TCF7: variants seen among roughly 807,000 people sequenced by gnomAD.
TCF7 encodes the protein T-cell-factor-7.
In TCF7, 19 loss-of-function variants were observed where a neutral mutation model predicts 46.8. The ratio of observed to expected loss-of-function variants is 0.41; its 90% confidence interval spans 0.28 to 0.60. The LOEUF (loss-of-function observed/expected upper bound fraction) is 0.60. Ranked by LOEUF, TCF7 falls within the 20% of genes least tolerant of loss-of-function variation. TCF7 has a pLI of 0.35. For missense variants in TCF7, 547 were observed against 504.6 expected (o/e 1.08, Z -0.81); for synonymous variants, 245 against 213.4 (o/e 1.15, Z -1.29).
At chr5:134,145,517 CTCAG>C (rs1325492825) in intron 9 of TCF7, 28 of 593,244 alleles carry the variant, frequency 4.7e-5, no homozygotes, top group Non-Finnish European at 6.9e-5. Context: ...TTAAAGTTTC[CTCAG>C]TCAGTTTCAG....
intron 5 of TCF7, 80 bp from the exon 6 acceptor site, chr5:134,142,105 A>G: frequency 6.3e-7 from 1 of 1,590,934 alleles, no homozygotes; most frequent in Non-Finnish European, 8.6e-7. Context: ...CAAGTTATGT[A>G]TTATGCAGGG....
At position 134,143,640 on chromosome 5, in the gene TCF7, G is replaced by A; in HGVS notation, c.1075G>A (p.Gly359Arg). The A allele has an allele frequency of 6.2e-7, 1 of 1,613,984 alleles. No homozygotes were observed. Residue 359 changes from glycine (G) to arginine (R), a missense_variant and splice_region_variant, in exon 9 of 10, where the codon GGA becomes AGA. This residue lies in a region of TCF7 where 90 missense variants were observed against 88.8 expected (regional missense o/e 1.01). Transcript: ENST00000342854. ...SREKHQESTT[G>R]GKRNAFGTYP... is the part of the protein sequence containing the mutation. ...GGAAAAGCACCAAGAATCCACCACA[G>A]GTGAGACCTTCTCTCAGCAGCAGTG...
intron 9 of TCF7, chr5:134,144,848 C>A: frequency 6.2e-7 from 1 of 1,614,176 alleles, no homozygotes; most frequent in Non-Finnish European, 8.5e-7. Flanking sequence ...AACCAGCAGA[C>A]GGATTGGTGT....
At chr5:134,121,081 C>T (rs1047405853) in intron 3 of TCF7, among the ~76,000 whole-genome samples, 2 of 152,084 alleles carry the variant, frequency 1.3e-5, no homozygotes, top group East Asian at 1.9e-4. Flanking sequence ...GTGTACAGGC[C>T]GCCTACTTAC....
intron 3 of TCF7, among the ~76,000 whole-genome samples, chr5:134,127,535 G>A (rs533866839): frequency 3.9e-5 from 6 of 152,176 alleles, no homozygotes; most frequent in South Asian, 2.1e-4. Context: ...GTGTGATCCC[G>A]GGCTGGGCTA....
chr5:134,139,077 G>A (rs756203006), intron 5 of TCF7, 39 bp downstream of exon 5: 2 of 1,609,650 alleles, frequency 1.2e-6, no homozygotes, highest in South Asian at 1.1e-5. Flanking sequence ...ACCGTGTGCT[G>A]GTCAGACCAA....
At chr5:134,128,060 T>C (rs1757579388) in intron 3 of TCF7, among the ~76,000 whole-genome samples, 1 of 152,116 alleles carries the variant, frequency 6.6e-6, no homozygotes, top group Non-Finnish European at 1.5e-5. Flanking sequence ...GGAGGAGGGA[T>C]TTGAGCCCAG....
At chr5:134,134,530 GGT>G (rs1463349378) in intron 3 of TCF7, among the ~76,000 whole-genome samples, 2 of 152,152 alleles carry the variant, frequency 1.3e-5, no homozygotes, top group African/African-American at 4.8e-5. Context: ...CTGGCTGGCT[GGT>G]GTTATTCTAG....
At chr5:134,123,766 G>A (rs1337328153) in intron 3 of TCF7, 6 of 456,240 alleles carry the variant, frequency 1.3e-5, no homozygotes, top group Non-Finnish European at 2.6e-5. Context: ...GGTAGGGCAA[G>A]GCGGTACCCA....
At chr5:134,120,072 C>T (rs1756362145) in intron 3 of TCF7, among the ~76,000 whole-genome samples, 1 of 152,158 alleles carries the variant, frequency 6.6e-6, no homozygotes, top group African/African-American at 2.4e-5. Context: ...CGGGCAGAGC[C>T]GGCCCCAGCC....
In TCF7 at chr5:134,146,252, C is replaced by G; in HGVS notation, c.1104C>G (p.Tyr368Ter). The change falls in exon 10 of 10, where the codon TAC (tyrosine) becomes TAG (stop). Residue 368 changes from tyrosine (Y) to a stop codon, truncating the protein, a stop_gained. Transcript: ENST00000342854. LOFTEE classifies it high-confidence loss of function. Reference protein sequence around the residue: ...TGGKRNAFGTYPEKAAAPAPF... With the variant: ...TGGKRNAFGT ...GAAAAAGAAATGCATTCGGTACTTA[C>G]CCGGAGAAGGCCGCTGCCCCAGCCC... is the stretch of plus-strand genomic sequence containing the variant. 6.2e-7 allele frequency: 1 copy of G among 1,614,198 alleles called. No homozygotes were observed. Among genetic ancestry groups the G allele is most frequent in the Non-Finnish European group, 8.5e-7 (1 of 1,180,040 alleles).
chr5:134,115,185 C>G (rs541117350), intron 1 of TCF7, 30 bp downstream of exon 1: 1 of 1,072,138 alleles, frequency 9.3e-7, no homozygotes, highest in Admixed American at 5.5e-5. Flanking sequence ...GGCTCCTCCC[C>G]CGCGGTCGCC....
At chr5:134,140,284 C>T (rs1297887820) in intron 5 of TCF7, among the ~76,000 whole-genome samples, 2 of 152,190 alleles carry the variant, frequency 1.3e-5, no homozygotes, top group African/African-American at 4.8e-5. Context: ...CAGTCTACCT[C>T]GTGGGCAACC....
chr5:134,128,883 T>C (rs2149310172), intron 3 of TCF7, among the ~76,000 whole-genome samples: 1 of 152,312 alleles, frequency 6.6e-6, no homozygotes, highest in South Asian at 2.1e-4. Context: ...CATTTATGAC[T>C]GAGAATCAAA....
intron 3 of TCF7, among the ~76,000 whole-genome samples, chr5:134,125,576 C>CT (rs1757233649): frequency 1.3e-5 from 2 of 152,244 alleles, no homozygotes. Context: ...GAGGAGGCTG[C>CT]TGAGGGTGAG....
rs1760924781 is a variant in TCF7 at position 134,148,121 on chromosome 5, A to G, written c.*1818A>G. On this transcript the variant is annotated 3_prime_UTR_variant, in exon 10 of 10. Transcript: ENST00000342854. ...CACTGCAAGAAGTCTTGAGAAAAAGATTATTGTAGTGTTCAAAATATTTTT... is the reference window on the plus strand; with the variant it reads ...CACTGCAAGAAGTCTTGAGAAAAAGGTTATTGTAGTGTTCAAAATATTTTT... 1 of 152,764 alleles carries G rather than the reference A, an allele frequency of 6.5e-6. No homozygotes were observed. Among genetic ancestry groups the G allele is most frequent in the South Asian group, 2.1e-4 (1 of 4,832 alleles). 9.5% of individuals were successfully genotyped at this position (152,764 alleles called of 1,614,324 possible). A position where few individuals can be genotyped will look rare whatever the true frequency, so the allele number is the denominator to read the frequency against.
chr5:134,111,122 G>A (rs1755325270), upstream of TCF7, among the ~76,000 whole-genome samples: 1 of 152,178 alleles, frequency 6.6e-6, no homozygotes, highest in South Asian at 2.1e-4. Flanking sequence ...AACCTATGGG[G>A]AGACTGAGGC....
chr5:134,119,082 T>C (rs1183495591), intron 3 of TCF7, among the ~76,000 whole-genome samples: 1 of 152,162 alleles, frequency 6.6e-6, no homozygotes, highest in African/African-American at 2.4e-5. Context: ...TCTTAGGCTG[T>C]ACTTTGGGGG....
At chr5:134,144,965 C>T in intron 9 of TCF7, 2 of 1,075,638 alleles carry the variant, frequency 1.9e-6, no homozygotes, top group Non-Finnish European at 2.8e-6. Flanking sequence ...CCTTTGGCCC[C>T]TCAGCCCACT....
Sources: allele counts gnomAD v4.1 joint callset (sites outside exome capture counted in the v4.1 genomes callset), GRCh38; gene constraint gnomAD v4.1.1; regional missense constraint gnomAD v4.1.1; transcripts MANE v1.5; gene names NCBI Gene and HGNC (gene_info 2026-07-23, HGNC 2026-07-21).